CRYBG1: variants seen among roughly 807,000 people sequenced by gnomAD.
CRYBG1 encodes the protein beta/gamma crystallin domain-containing protein 1.
A neutral mutation model predicts 189.2 loss-of-function variants in CRYBG1; 139 were observed. The observed-to-expected ratio is 0.73, with a 90% CI of 0.64 to 0.85. The LOEUF is 0.85. CRYBG1 is among the 40% of genes least tolerant of loss of function. CRYBG1 has a pLI of 0.00. For missense variants in CRYBG1, 2,611 were observed against 2,675.8 expected, an observed-to-expected ratio of 0.98 and a Z score of 0.53; for synonymous variants, 1,023 against 1,017.1, an observed-to-expected ratio of 1.01 and a Z score of -0.11.
rs1491280091 is a variant in CRYBG1 at position 106,391,972 on chromosome 6, CGT to C, written c.173+30893_173+30894del. ...GTGTGTGTGTGTGTGTGTGTGTGTGCGTGCGCGTTTCCTGAAAAGGGGCAGAA... is the reference window on the plus strand; with the variant it reads ...GTGTGTGTGTGTGTGTGTGTGTGTGCGCGCGTTTCCTGAAAAGGGGCAGAA... On this transcript the variant is annotated intron_variant, in intron 1 of 21. Coordinates refer to ENST00000633556, the MANE Select transcript of CRYBG1 (RefSeq NM_001371242.2). Among the ~76,000 whole-genome samples the C allele has an allele frequency of 8.0e-3, 407 of 51,138 alleles. 2 individuals carry two copies. Among genetic ancestry groups the C allele is most frequent in the Middle Eastern group, 0.053 (5 of 94 alleles). 33.5% of individuals were successfully genotyped at this position (51,138 alleles called of 152,430 possible). A position where few individuals can be genotyped will look rare whatever the true frequency, so the allele number is the denominator to read the frequency against.
At chr6:106,537,672 G>T (rs1006013404) in intron 8 of CRYBG1, among the ~76,000 whole-genome samples, 1 of 152,120 alleles carries the variant, frequency 6.6e-6, no homozygotes, top group Non-Finnish European at 1.5e-5. Flanking sequence ...ATACACAAGC[G>T]CAGTCACCAT....
intron 1 of CRYBG1, among the ~76,000 whole-genome samples, chr6:106,413,697 C>A (rs1770972847): frequency 6.6e-6 from 1 of 151,586 alleles, no homozygotes; most frequent in Non-Finnish European, 1.5e-5. Context: ...AAAGTGGACA[C>A]ATGTTCACTG....
intron 1 of CRYBG1, among the ~76,000 whole-genome samples, chr6:106,401,289 T>G (rs1770714363): frequency 6.6e-6 from 1 of 152,218 alleles, no homozygotes; most frequent in South Asian, 2.1e-4. Flanking sequence ...GTACGGATTA[T>G]CTACTACAGA....
intron 2 of CRYBG1, among the ~76,000 whole-genome samples, chr6:106,480,393 G>C (rs554791506): frequency 6.6e-6 from 1 of 151,918 alleles, no homozygotes; most frequent in Non-Finnish European, 1.5e-5. Context: ...GGCCGGGCGC[G>C]GTGGCTCACA....
chr6:106,548,745 A>G (rs1347995268), intron 13 of CRYBG1, among the ~76,000 whole-genome samples: 1 of 150,000 alleles, frequency 6.7e-6, no homozygotes, highest in Non-Finnish European at 1.5e-5. Flanking sequence ...TTTTTTTTAA[A>G]TTTTATTATT....
intron 18 of CRYBG1, among the ~76,000 whole-genome samples, chr6:106,560,343 G>A (rs939881968): frequency 3.9e-5 from 6 of 152,182 alleles, no homozygotes; most frequent in Admixed American, 2.6e-4. Context: ...GCATCTGAGC[G>A]GAAGGGAACT....
chr6:106,399,317 T>C (rs1432983457), intron 1 of CRYBG1, among the ~76,000 whole-genome samples: 1 of 152,234 alleles, frequency 6.6e-6, no homozygotes, highest in East Asian at 1.9e-4. Flanking sequence ...TTCCACCCTT[T>C]AATCATATAA....
intron 21 of CRYBG1, among the ~76,000 whole-genome samples, chr6:106,566,036 T>G (rs76250341): frequency 0.019 from 2,968 of 152,310 alleles, 79 homozygotes; most frequent in African/African-American, 0.069. Flanking sequence ...AAATGTGATC[T>G]GCTTCCTATG....
At chr6:106,560,191 T>C (rs1465409682) in intron 18 of CRYBG1, among the ~76,000 whole-genome samples, 1 of 152,182 alleles carries the variant, frequency 6.6e-6, no homozygotes, top group Non-Finnish European at 1.5e-5. Context: ...ACTAAAATGA[T>C]AAAATTTTAT....
At chr6:106,515,993 G>A (rs576610089) in intron 3 of CRYBG1, among the ~76,000 whole-genome samples, 2 of 150,720 alleles carry the variant, frequency 1.3e-5, no homozygotes, top group Non-Finnish European at 2.9e-5. Context: ...ATTTTGCCAT[G>A]TTCCCCGGGC....
At chr6:106,564,196 C>CG (rs1491277110) in intron 21 of CRYBG1, among the ~76,000 whole-genome samples, 2 of 152,222 alleles carry the variant, frequency 1.3e-5, no homozygotes, top group East Asian at 3.9e-4. Flanking sequence ...AACAAAACCC[C>CG]GGAAGCTCAA....
At chr6:106,501,959 C>G (rs1172052821) in intron 2 of CRYBG1, among the ~76,000 whole-genome samples, 2 of 152,204 alleles carry the variant, frequency 1.3e-5, no homozygotes, top group African/African-American at 2.4e-5. Context: ...TCAGAGCCAG[C>G]CTAGCTAGAG....
intron 1 of CRYBG1, among the ~76,000 whole-genome samples, chr6:106,418,391 C>A (rs536114764): frequency 6.6e-6 from 1 of 152,356 alleles, no homozygotes; most frequent in African/African-American, 2.4e-5. Context: ...ATCTTTCAGG[C>A]TTCAGGCTGT....
Position 106,520,076 on chromosome 6 carries a change from G to C in CRYBG1, c.2868G>C (p.Gln956His). 2 of 1,614,166 alleles carry C rather than the reference G, an allele frequency of 1.2e-6. No individual in the cohort carries two copies. Among genetic ancestry groups the C allele is most frequent in the Non-Finnish European group, 1.7e-6 (2 of 1,180,034 alleles). ...GSECPSRVLVQVRSFVLPVES... is the reference protein window; with the variant it reads ...GSECPSRVLVHVRSFVLPVES... The stretch of plus-strand genomic sequence containing the variant: ...AGTGTCCATCCAGAGTCCTCGTCCA[G>C]GTCAGGTCCTTCGTGCTCCCCGTGG... The change falls in exon 4 of 22, where the codon CAG becomes CAC. Residue 956 changes from glutamine (Q) to histidine (H), a missense_variant. Gln to His is a conservative substitution (Grantham distance 24). Around this residue, in one of 3 missense-constraint regions of CRYBG1, gnomAD observed 1,622 missense variants for 1,735.0 expected, o/e 0.93. Coordinates refer to ENST00000633556, the MANE Select transcript of CRYBG1 (RefSeq NM_001371242.2).
chr6:106,389,741 G>T (rs1373810950), intron 1 of CRYBG1, among the ~76,000 whole-genome samples: 2 of 151,872 alleles, frequency 1.3e-5, no homozygotes, highest in Non-Finnish European at 2.9e-5. Flanking sequence ...TTCGGTAGTT[G>T]CTTTTATGGA....
chr6:106,514,646 C>T (rs1244819547), intron 3 of CRYBG1, among the ~76,000 whole-genome samples: 1 of 152,142 alleles, frequency 6.6e-6, no homozygotes, highest in Non-Finnish European at 1.5e-5. Flanking sequence ...TTGCTGTGTA[C>T]CTTATGAAGG....
intron 2 of CRYBG1, among the ~76,000 whole-genome samples, chr6:106,504,463 A>G (rs1773085151): frequency 6.6e-6 from 1 of 152,200 alleles, no homozygotes; most frequent in South Asian, 2.1e-4. Flanking sequence ...ATGTAGTAAC[A>G]GAGGTTCATA....
chr6:106,555,313 G>T (rs1200284362), intron 16 of CRYBG1, among the ~76,000 whole-genome samples: 1 of 151,516 alleles, frequency 6.6e-6, no homozygotes, highest in African/African-American at 2.4e-5. Flanking sequence ...TTTGACTCCT[G>T]GCCCAGTGCA....
chr6:106,372,400 T>A (rs1770056636), intron 1 of CRYBG1, among the ~76,000 whole-genome samples: 1 of 152,112 alleles, frequency 6.6e-6, no homozygotes. Context: ...TACAGGTACG[T>A]GCCATCACAC....
Sources: gnomAD v4.1 joint callset for allele counts (sites outside exome capture counted in the v4.1 genomes callset) on GRCh38, gnomAD v4.1.1 for gene constraint, gnomAD v4.1.1 regional missense constraint, MANE v1.5 for transcripts, NCBI Gene and HGNC (gene_info 2026-07-23, HGNC 2026-07-21) for gene names.